Variants in CMTM4 observed in about 807,000 individuals in gnomAD.
CMTM4 encodes CKLF-like MARVEL transmembrane domain-containing protein 4.
In CMTM4, 8 loss-of-function variants were observed where a neutral mutation model predicts 19.0. That is an observed-to-expected ratio of 0.42 (90% CI 0.25 to 0.76). The LOEUF is 0.76. Among genes scored for constraint, CMTM4 ranks in the 30% least tolerant of loss-of-function variants. CMTM4 has a pLI of 0.27. For missense variants in CMTM4, 228 were observed against 290.2 expected (o/e 0.79, Z 1.56); for synonymous variants, 106 against 121.1 (o/e 0.88, Z 0.82).
the CMTM4 span, chr16:66,605,201 G>A: frequency 5.4e-6 from 2 of 372,092 alleles, no homozygotes; most frequent in African/African-American, 4.2e-5. The surrounding 1 kb of genome is among the most constrained non-coding windows in gnomAD (Gnocchi z 4.6). Flanking sequence ...GCTGGGGGCC[G>A]TGGGAAGTGG....
At chr16:66,665,688 A>C (rs1211187949) in intron 1 of CMTM4, among the ~76,000 whole-genome samples, 1 of 152,020 alleles carries the variant, frequency 6.6e-6, no homozygotes, top group Non-Finnish European at 1.5e-5. Flanking sequence ...AGACAGGAGA[A>C]TCACTTGAAC....
At chr16:66,681,489 T>C (rs1419628048) in intron 1 of CMTM4, among the ~76,000 whole-genome samples, 1 of 152,070 alleles carries the variant, frequency 6.6e-6, no homozygotes, top group African/African-American at 2.4e-5. Flanking sequence ...GCTAATTTTT[T>C]TGTATTTTTA....
rs998880895 is a variant in CMTM4, at chr16:66,618,788, C to T, written c.*3270G>A. 18 of 985,372 alleles carry T rather than the reference C, an allele frequency of 1.8e-5. No homozygotes were observed. In the Admixed American group the frequency reaches 2.5e-4, roughly 13 times the overall value. 61.0% of individuals were successfully genotyped at this position (985,372 alleles called of 1,614,324 possible). A position where few individuals can be genotyped will look rare whatever the true frequency, so the allele number is the denominator to read the frequency against. The stretch of plus-strand genomic sequence containing the variant: ...GAGTCACGAAGCTGTCCCAGAAGCA[C>T]CCGACATAGGGTGGAGGTCAGACAC... On this transcript the variant is annotated 3_prime_UTR_variant, in exon 4 of 4. Coordinates refer to ENST00000394106, the MANE Select transcript of CMTM4 (RefSeq NM_181521.3).
At chr16:66,600,147 T>G in the CMTM4 span, among the ~76,000 whole-genome samples, 16 of 135,346 alleles carry the variant, frequency 1.2e-4, no homozygotes, top group South Asian at 9.5e-4. Context: ...TTTTTTTTTG[T>G]TTTTTTTTTT....
Position 66,622,000 on chromosome 16 carries a change from G to C in CMTM4, c.*58C>G. The C allele has an allele frequency of 6.6e-7, 1 of 1,520,390 alleles. No individual in the cohort carries two copies. The highest frequency in any genetic ancestry group is 1.4e-5 in the African/African-American group (1 of 72,234). 94.2% of individuals were successfully genotyped at this position (1,520,390 alleles called of 1,614,324 possible). On this transcript the variant is annotated 3_prime_UTR_variant, in exon 4 of 4. Transcript: ENST00000394106. Reference sequence around the variant, plus strand: ...TGGAAATCTGACAGGACAAGGGAAAGAAAACTTGACTGAGAGACAGGCACG... The same window carrying C: ...TGGAAATCTGACAGGACAAGGGAAACAAAACTTGACTGAGAGACAGGCACG...
chr16:66,681,118 AG>A (rs2016906996), intron 1 of CMTM4, among the ~76,000 whole-genome samples: 2 of 152,122 alleles, frequency 1.3e-5, no homozygotes, highest in Non-Finnish European at 2.9e-5. Context: ...GACCAGACAC[AG>A]TGGCTCACAC....
intron 1 of CMTM4, among the ~76,000 whole-genome samples, chr16:66,661,224 T>C (rs1467652028): frequency 6.6e-6 from 1 of 152,200 alleles, no homozygotes; most frequent in Non-Finnish European, 1.5e-5. Context: ...ATATGTAAGG[T>C]AATAAGCTTC....
chr16:66,610,102 C>G, downstream of CMTM4: 1 of 1,467,236 alleles, frequency 6.8e-7, no homozygotes, highest in South Asian at 1.2e-5. The surrounding 1 kb of genome is among the most constrained non-coding windows in gnomAD (Gnocchi z 4.6). Flanking sequence ...ATCATTTCCT[C>G]TCTCCCCATG....
Position 66,696,331 on chromosome 16 carries a change from G to A in CMTM4, c.186+9C>T. ...CCCTCGGGCACCTGGGGCCCCGCCC[G>A]GCACCTACCACTTGGGCGACCTTGA... is the stretch of plus-strand genomic sequence containing the variant. On this transcript the variant is annotated intron_variant, in intron 1 of 3. Coordinates refer to ENST00000394106, the MANE Select transcript of CMTM4 (RefSeq NM_181521.3). The surrounding 1 kb of genome is among the most constrained non-coding windows in gnomAD (Gnocchi z 4.3). 5 of 1,382,232 alleles carry A rather than the reference G, an allele frequency of 3.6e-6. No homozygotes were observed. Among genetic ancestry groups the A allele is most frequent in the Middle Eastern group, 2.7e-4 (1 of 3,728 alleles). 85.6% of individuals were successfully genotyped at this position (1,382,232 alleles called of 1,614,324 possible). A position where few individuals can be genotyped will look rare whatever the true frequency, so the allele number is the denominator to read the frequency against.
chr16:66,688,753 G>A (rs1483487652), intron 1 of CMTM4, among the ~76,000 whole-genome samples: 1 of 152,126 alleles, frequency 6.6e-6, no homozygotes, highest in Non-Finnish European at 1.5e-5. Flanking sequence ...TAACTATATT[G>A]AGTTTTCCAA....
intron 1 of CMTM4, among the ~76,000 whole-genome samples, chr16:66,638,851 C>T (rs1215176681): frequency 1.3e-5 from 2 of 151,344 alleles, no homozygotes; most frequent in African/African-American, 4.9e-5. Flanking sequence ...CAGAGTGAGA[C>T]TCCATCTCAA....
intron 1 of CMTM4, among the ~76,000 whole-genome samples, chr16:66,665,402 C>T (rs181592027): frequency 1.3e-5 from 2 of 151,098 alleles, no homozygotes; most frequent in East Asian, 3.9e-4. Context: ...TTAGACATGA[C>T]ACCAGAAGCA....
Position 66,619,471 on chromosome 16 carries a change from GC to G in CMTM4, c.*2586del. 1 of 985,386 alleles carries G rather than the reference GC, an allele frequency of 1.0e-6. No homozygotes were observed. Among genetic ancestry groups the G allele is most frequent in the Non-Finnish European group, 1.2e-6 (1 of 829,934 alleles). The allele number at this position is 985,386 out of a possible 1,614,324, so 61.0% of individuals were successfully genotyped here. On this transcript the variant is annotated 3_prime_UTR_variant, in exon 4 of 4. Coordinates refer to ENST00000394106, the MANE Select transcript of CMTM4 (RefSeq NM_181521.3). ...AACTAAGGTCGCTCAGCCTTCAAAT[GC>G]CCCAAACCAAACTGATATTGGTCCC...
chr16:66,609,491 C>T, the CMTM4 span: 1 of 1,611,124 alleles, frequency 6.2e-7, no homozygotes, highest in Non-Finnish European at 8.5e-7. The surrounding 1 kb of genome is among the most constrained non-coding windows in gnomAD (Gnocchi z 4.4). Flanking sequence ...CCATCACGGC[C>T]ATCGCCAAGT....
rs186266540 is a variant in CMTM4, at chr16:66,617,963, T to C, written c.*4095A>G. 1.3e-3 allele frequency: 1,250 copies of C among 986,116 alleles called. No individual in the cohort carries two copies. The highest frequency in any genetic ancestry group is 1.4e-3 in the Non-Finnish European group (1,169 of 830,412). 61.1% of individuals were successfully genotyped at this position (986,116 alleles called of 1,614,324 possible). On this transcript the variant is annotated 3_prime_UTR_variant, in exon 4 of 4. Transcript: ENST00000394106. The stretch of plus-strand genomic sequence containing the variant: ...TACACGTTTCCAAGACAGCCTGAGC[T>C]GTCTAGTGCTGATAGCAGACAGGTG...
chr16:66,648,199 T>C (rs2016242646), intron 1 of CMTM4, among the ~76,000 whole-genome samples: 1 of 152,224 alleles, frequency 6.6e-6, no homozygotes, highest in Non-Finnish European at 1.5e-5. Flanking sequence ...TTCACCACAG[T>C]GCCCAGCAAG....
chr16:66,690,308 T>C (rs1425817763), intron 1 of CMTM4, among the ~76,000 whole-genome samples: 1 of 152,162 alleles, frequency 6.6e-6, no homozygotes, highest in African/African-American at 2.4e-5. Flanking sequence ...CCAGGGTCAT[T>C]GTGTGTCTGC....
Position 66,621,637 on chromosome 16 carries a change from C to T in CMTM4, c.*421G>A. On this transcript the variant is annotated 3_prime_UTR_variant, in exon 4 of 4. Coordinates refer to ENST00000394106, the MANE Select transcript of CMTM4 (RefSeq NM_181521.3). ...ACGCAGACTCAACACTGACTTGGAG[C>T]AGGTGGTGCCTAAGGCTGCCTGAGA... The T allele has an allele frequency of 5.0e-6, 5 of 1,004,494 alleles. No individual in the cohort carries two copies. Among genetic ancestry groups the T allele is most frequent in the Non-Finnish European group, 6.0e-6 (5 of 840,100 alleles). The allele number at this position is 1,004,494 out of a possible 1,614,324, so 62.2% of individuals were successfully genotyped here. A position where few individuals can be genotyped will look rare whatever the true frequency, so the allele number is the denominator to read the frequency against.
intron 1 of CMTM4, among the ~76,000 whole-genome samples, chr16:66,674,583 G>A (rs1260756723): frequency 6.6e-6 from 1 of 152,036 alleles, no homozygotes. Context: ...CTGGAATTAG[G>A]TTCAAGTGGA....
Sources: allele counts gnomAD v4.1 joint callset (sites outside exome capture counted in the v4.1 genomes callset), GRCh38; gene constraint gnomAD v4.1.1; non-coding constraint Gnocchi (gnomAD v3.1); transcripts MANE v1.5; gene names NCBI Gene and HGNC (gene_info 2026-07-23, HGNC 2026-07-21).